Variants in AR observed in about 807,000 individuals in gnomAD.
AR encodes the protein androgen receptor.
Under a neutral mutation model 53.9 loss-of-function variants are expected in AR, and 8 were observed. That is an observed-to-expected ratio of 0.15 (90% CI 0.09 to 0.27). The LOEUF is 0.27. Among genes scored for constraint, AR ranks in the 10% least tolerant of loss-of-function variants. The probability of loss-of-function intolerance (pLI) is 1.00; values close to 1 mark genes in which losing one functional copy is unlikely to be tolerated. For missense variants in AR, 639 were observed against 742.5 expected (o/e 0.86, Z 1.62); for synonymous variants, 359 against 316.4 (o/e 1.13, Z -1.43).
At chrX:67,667,081 G>A (rs1410322536) in intron 2 of AR, among the ~76,000 whole-genome samples, 1 of 111,278 alleles carries the variant, frequency 9.0e-6, no homozygotes, top group Non-Finnish European at 1.9e-5. Context: ...GACCTCATTT[G>A]TCCATTTTTA....
At chrX:67,673,803 GTTCA>G (rs1350412432) in intron 2 of AR, among the ~76,000 whole-genome samples, 7 of 110,991 alleles carry the variant, frequency 6.3e-5, no homozygotes, top group Non-Finnish European at 1.1e-4. Context: ...GCTTTATTTA[GTTCA>G]TTTTGTGAGG....
chrX:67,682,774 G>A lies in AR; in HGVS notation c.1769-3236G>A, dbSNP rs2075943329. On this transcript the variant is annotated intron_variant, in intron 2 of 7. Transcript: ENST00000374690. ...TTTGGGGAAGTGATAATTCAGATAG[G>A]AGAAGTGACTTGGAAGCAGTCTTGA... 3.6e-5 allele frequency among the ~76,000 whole-genome samples: 4 copies of A among 111,838 alleles called. No individual in the cohort carries two copies. In the Admixed American group the frequency reaches 3.8e-4, roughly 11 times the overall value.
At position 67,609,729 on chromosome X, in the gene AR, T is replaced by A. The variant is rs755107383; in HGVS notation, c.1617-33527T>A. Among the ~76,000 whole-genome samples, 11 of 111,540 alleles carry A rather than the reference T, an allele frequency of 9.9e-5. 1 individual carries two copies. In the South Asian group the frequency reaches 4.1e-3, roughly 42 times the overall value. ...TAATGAAGACTTCATGTATATCAAT[T>A]TTTCCACAAATATAATCTTTCTAAA... On this transcript the variant is annotated intron_variant, in intron 1 of 7. Coordinates refer to ENST00000374690, the MANE Select transcript of AR (RefSeq NM_000044.6).
chrX:67,668,833 A>G (rs1927394790), intron 2 of AR, among the ~76,000 whole-genome samples: 1 of 111,134 alleles, frequency 9.0e-6, no homozygotes, highest in Non-Finnish European at 1.9e-5. Context: ...AGGTTTTCCA[A>G]TGTATTGTCA....
chrX:67,701,839 T>C (rs376569373), intron 3 of AR, among the ~76,000 whole-genome samples: 1 of 112,327 alleles, frequency 8.9e-6, no homozygotes, highest in East Asian at 2.8e-4. Flanking sequence ...CACTATAGTG[T>C]CCCAAATCTA....
At chrX:67,721,769 A>G in intron 5 of AR, 64 bp from the exon 6 acceptor site, 1 of 1,196,196 alleles carries the variant, frequency 8.4e-7, no homozygotes, top group Non-Finnish European at 1.1e-6. Context: ...AATCAGAGAC[A>G]TTCCCTCTGG....
At chrX:67,673,469 C>T in intron 2 of AR, among the ~76,000 whole-genome samples, 1 of 86,309 alleles carries the variant, frequency 1.2e-5, no homozygotes, top group Non-Finnish European at 2.2e-5. Flanking sequence ...TCATTGTTTG[C>T]TATTTTTTTT....
chrX:67,579,979 C>T (rs1176886978), intron 1 of AR, among the ~76,000 whole-genome samples: 1 of 110,599 alleles, frequency 9.0e-6, no homozygotes, highest in Admixed American at 9.7e-5. Flanking sequence ...ACTCTTTCTC[C>T]CAGTTGGCAC....
At chrX:67,600,620 A>C (rs1382839463) in intron 1 of AR, among the ~76,000 whole-genome samples, 1 of 111,400 alleles carries the variant, frequency 9.0e-6, no homozygotes, top group Non-Finnish European at 1.9e-5. Flanking sequence ...ACAATGAATA[A>C]GACCTATTAT....
At chrX:67,689,792 C>T in intron 3 of AR, 1 of 740,339 alleles carries the variant, frequency 1.4e-6, no homozygotes, top group Non-Finnish European at 1.7e-6. Context: ...AAATGAGGAC[C>T]TTCCCTCCAG....
Position 67,711,667 on chromosome X carries a change from C to A in AR, c.2151C>A (p.Val717=), listed in dbSNP as rs2147525265. 8.3e-7 allele frequency: 1 copy of A among 1,205,877 alleles called. No individual in the cohort carries two copies. Among genetic ancestry groups the A allele is most frequent in the South Asian group, 1.8e-5 (1 of 55,633 alleles). The change falls in exon 4 of 8, where the codon GTC becomes GTA. Residue 717 remains valine (V), a synonymous_variant. Transcript: ENST00000374690. The stretch of plus-strand genomic sequence containing the variant: ...GAGAGAGACAGCTTGTACACGTGGT[C>A]AAGTGGGCCAAGGCCTTGCCTGGTA... The part of the protein sequence containing the change: ...ELGERQLVHV[V]KWAKALPGFR...
At chrX:67,630,127 A>G (rs1249296734) in intron 1 of AR, among the ~76,000 whole-genome samples, 6 of 110,918 alleles carry the variant, frequency 5.4e-5, no homozygotes, top group Non-Finnish European at 7.6e-5. Flanking sequence ...GATTTGGGGT[A>G]GAGAGTTCTG....
At chrX:67,703,652 AT>A (rs2076052183) in intron 3 of AR, among the ~76,000 whole-genome samples, 1 of 111,760 alleles carries the variant, frequency 8.9e-6, no homozygotes, top group Non-Finnish European at 1.9e-5. Flanking sequence ...TTTTTTAAAT[AT>A]TTTTTATTAT....
At chrX:67,689,635 T>G in intron 3 of AR, 1 of 939,503 alleles carries the variant, frequency 1.1e-6, no homozygotes, top group Admixed American at 3.4e-5. Flanking sequence ...CTTCAGACTC[T>G]CAGCTGCTCA....
intron 3 of AR, chrX:67,694,897 A>G: frequency 1.9e-6 from 2 of 1,053,425 alleles, no homozygotes; most frequent in Non-Finnish European, 1.2e-6. Flanking sequence ...CGGGACCAAT[A>G]GTGTTTTCCT....
At chrX:67,573,412 TA>T (rs1475806678) in intron 1 of AR, among the ~76,000 whole-genome samples, 2 of 111,630 alleles carry the variant, frequency 1.8e-5, no homozygotes, top group African/African-American at 6.5e-5. Flanking sequence ...CCAATCATCC[TA>T]TTTATTCTGA....
intron 3 of AR, among the ~76,000 whole-genome samples, chrX:67,703,004 G>A (rs2076048968): frequency 9.0e-6 from 1 of 111,288 alleles, no homozygotes; most frequent in African/African-American, 3.3e-5. Context: ...CTTGAGCCCA[G>A]GAAGTTGAGG....
In AR at chrX:67,727,521, A is replaced by G. The variant is rs1454229124; in HGVS notation, c.*3680A>G. 2 of 172,379 alleles carry G rather than the reference A, an allele frequency of 1.2e-5. No homozygotes were observed. The highest frequency in any genetic ancestry group is 1.1e-5 in the Non-Finnish European group (1 of 90,013). 14.2% of individuals were successfully genotyped at this position (172,379 alleles called of 1,213,427 possible). ...ATCCACATGATGCACAAATGAGCTA[A>G]CATTGAGCTTCAAGTAGCTTCTAAG... On this transcript the variant is annotated 3_prime_UTR_variant, in exon 8 of 8. Coordinates refer to ENST00000374690, the MANE Select transcript of AR (RefSeq NM_000044.6).
chrX:67,566,600 T>TG (rs1921568354), intron 1 of AR, among the ~76,000 whole-genome samples: 1 of 111,503 alleles, frequency 9.0e-6, no homozygotes, highest in African/African-American at 3.3e-5. Context: ...GTAGGATCTA[T>TG]GGGGGGCCTT....
Sources: allele counts gnomAD v4.1 joint callset (sites outside exome capture counted in the v4.1 genomes callset), GRCh38; gene constraint gnomAD v4.1.1; transcripts MANE v1.5; gene names NCBI Gene and HGNC (gene_info 2026-07-23, HGNC 2026-07-21).